Variants in NBEAL2 observed in about 807,000 individuals in gnomAD.
NBEAL2 encodes the protein neurobeachin like 2.
Under a neutral mutation model 299.8 loss-of-function variants are expected in NBEAL2, and 160 were observed. The ratio of observed to expected loss-of-function variants is 0.53; its 90% CI spans 0.47 to 0.61. The LOEUF (loss-of-function observed/expected upper bound fraction) is 0.61, where lower values mean the gene tolerates loss of function less well. Among genes scored for constraint, NBEAL2 ranks in the 20% least tolerant of loss-of-function variants. The probability of loss-of-function intolerance (pLI) is 0.00; values close to 1 mark genes in which losing one functional copy is unlikely to be tolerated. For synonymous variants in NBEAL2, 1,493 were observed against 1,542.3 expected, an observed-to-expected ratio of 0.97 and a Z score of 0.75; for missense variants, 3,112 against 3,649.0, an observed-to-expected ratio of 0.85 and a Z score of 3.79.
At chr3:46,987,103 C>T (rs1295567565) in intron 1 of NBEAL2, among the ~76,000 whole-genome samples, 1 of 152,260 alleles carries the variant, frequency 6.6e-6, no homozygotes, top group African/African-American at 2.4e-5. Flanking sequence ...TCCCCAATCA[C>T]AGGGTGGACG....
chr3:47,008,252 C>A, intron 50 of NBEAL2, 31 bp from the exon 51 acceptor site: 1 of 1,613,060 alleles, frequency 6.2e-7, no homozygotes, highest in South Asian at 1.1e-5. Flanking sequence ...GCCCAGACTC[C>A]TGCCCAGGAC....
At chr3:46,997,168 G>C in intron 18 of NBEAL2, 91 bp from the exon 19 acceptor site, 1 of 1,573,802 alleles carries the variant, frequency 6.4e-7, no homozygotes, top group South Asian at 1.1e-5. Context: ...GCTCAAGAGA[G>C]CAAAACTTCC....
rs1235569949 is a variant in NBEAL2, at chr3:47,000,979, C to T, written c.4306-22C>T. On this transcript the variant is annotated intron_variant, in intron 27 of 53. Transcript: ENST00000450053. The surrounding 1 kb of genome is among the most constrained non-coding windows in gnomAD (Gnocchi z 4.5). ...CTTAGCCGCCCACAACCCACGCCCA[C>T]ACCACCCACCTGTGCCCACAGCAAA... The T allele has an allele frequency of 6.3e-7, 1 of 1,578,952 alleles. No individual in the cohort carries two copies. The highest frequency in any genetic ancestry group is 2.3e-5 in the East Asian group (1 of 42,784).
Position 47,005,278 on chromosome 3 carries a change from G to C in NBEAL2, c.6517G>C (p.Val2173Leu), listed in dbSNP as rs768276685. 7.4e-6 allele frequency: 12 copies of C among 1,613,234 alleles called. No individual in the cohort carries two copies. The highest frequency in any genetic ancestry group is 1.0e-5 in the Non-Finnish European group (12 of 1,179,824). Residue 2173 changes from valine (V) to leucine (L), a missense_variant, in exon 40 of 54, where the codon GTG (valine) becomes CTG (leucine). This residue lies in a region of NBEAL2 where 521 missense variants were observed against 729.6 expected (regional missense o/e 0.71). Coordinates refer to ENST00000450053, the MANE Select transcript of NBEAL2 (RefSeq NM_015175.3). ...AGGCGTGATGCACTACCTCATCCGC[G>C]TGGAGCCCTTCACCTCCCTGCACGT... Reference protein sequence around the residue: ...AAGVMHYLIRVEPFTSLHVQL... With the variant: ...AAGVMHYLIRLEPFTSLHVQL...
At position 46,997,677 on chromosome 3, in the gene NBEAL2, G is replaced by A. The variant is rs756428891; in HGVS notation, c.2941G>A (p.Gly981Arg). The A allele has an allele frequency of 2.6e-6, 4 of 1,546,216 alleles. No homozygotes were observed. Among genetic ancestry groups the A allele is most frequent in the Admixed American group, 2.0e-5 (1 of 50,772 alleles). The change falls in exon 20 of 54, where the codon GGG (glycine) becomes AGG (arginine). Residue 981 changes from glycine (G) to arginine (R), a missense_variant. Transcript: ENST00000450053. ...LVQCQGPAII[G>R]ALLRKVPSWA... ...GCAGTGCCAGGGGCCTGCCATCATC[G>A]GGGCCCTCCTGCGAAAGGTGGGGCC...
Position 47,003,321 on chromosome 3 carries a change from C to G in NBEAL2, c.5720+12C>G. The G allele has an allele frequency of 6.2e-7, 1 of 1,609,812 alleles. No individual in the cohort carries two copies. The highest frequency in any genetic ancestry group is 8.5e-7 in the Non-Finnish European group (1 of 1,178,492). The stretch of plus-strand genomic sequence containing the variant: ...GAGCTGGAGACCCCGTGAGTGGGGC[C>G]CTGGAGAGATTGGACTGGTGTGGTG... On this transcript the variant is annotated intron_variant, in intron 35 of 53. Transcript: ENST00000450053. This position sits in a 1 kb window ranked among gnomAD's most constrained non-coding sequence, Gnocchi z 7.0.
chr3:46,996,360 G>A lies in NBEAL2; in HGVS notation c.2241G>A (p.Leu747=), dbSNP rs1425427241. Residue 747 remains leucine (L), a synonymous_variant, in exon 16 of 54, where the codon CTG becomes CTA. Transcript: ENST00000450053. The part of the protein sequence containing the change: ...GLPTPPVPAT[L]AYTHPALTRS... ...CCACACCACCAGTCCCCGCCACCCT[G>A]GCCTACACTCACCCCGCCCTCACCC... 1.9e-6 allele frequency: 3 copies of A among 1,612,352 alleles called. No homozygotes were observed. In the African/African-American group the frequency reaches 4.0e-5, roughly 22 times the overall value.
chr3:46,997,749 C>T (rs966933592), intron 20 of NBEAL2, 55 bp downstream of exon 20: 10 of 1,433,338 alleles, frequency 7.0e-6, no homozygotes, highest in African/African-American at 4.3e-5. Flanking sequence ...CCTGTCTGAC[C>T]GAGGGGACTG....
rs777919277 is a variant in NBEAL2, at chr3:46,989,126, T to C, written c.311T>C (p.Val104Ala). Residue 104 changes from valine to alanine, a missense_variant, in exon 4 of 54, where the codon GTG becomes GCG. By Grantham distance (64) the Val-to-Ala change is moderately conservative. This residue lies in a region of NBEAL2 where 2,243 missense variants were observed against 2,538.1 expected (regional missense o/e 0.88). Transcript: ENST00000450053. This position sits in a 1 kb window ranked among gnomAD's most constrained non-coding sequence, Gnocchi z 5.5. ...GAGGCAGGCCGGGGCCAAGTGCTAGTGCCCCGAGTGCTGGCACTGTTGACC... is the reference window on the plus strand; with the variant it reads ...GAGGCAGGCCGGGGCCAAGTGCTAGCGCCCCGAGTGCTGGCACTGTTGACC... ...NIEAGRGQVL[V>A]PRVLALLTKL... The C allele has an allele frequency of 4.1e-5, 66 of 1,613,686 alleles. No individual in the cohort carries two copies. The highest frequency in any genetic ancestry group is 5.2e-5 in the Non-Finnish European group (61 of 1,179,842).
rs1376535428 is a variant in NBEAL2 at position 47,003,782 on chromosome 3, A to G, written c.5721-34A>G. ...GGGCTTGTGAAGAAGGGGGTCCCAG[A>G]GCCTACAGCGTGAGGTGGGTTGCTG... is the stretch of plus-strand genomic sequence containing the variant. On this transcript the variant is annotated intron_variant, in intron 35 of 53. Transcript: ENST00000450053. The surrounding 1 kb of genome is among the most constrained non-coding windows in gnomAD (Gnocchi z 7.0). The G allele has an allele frequency of 6.5e-7, 1 of 1,549,098 alleles. No individual in the cohort carries two copies. Among genetic ancestry groups the G allele is most frequent in the Non-Finnish European group, 8.7e-7 (1 of 1,145,092 alleles).
rs1003233359 is a variant in NBEAL2, at chr3:47,005,956, A to G, written c.6812A>G (p.Tyr2271Cys). The change falls in exon 43 of 54, where the codon TAT (tyrosine) becomes TGT (cysteine). Residue 2271 changes from tyrosine (Y) to cysteine (C), a missense_variant. Tyr to Cys is a radical substitution (Grantham distance 194, BLOSUM62 -2). Coordinates refer to ENST00000450053, the MANE Select transcript of NBEAL2 (RefSeq NM_015175.3). ...CCTCCCTACTCTCAGGAGTCGGAGT[A>G]TGTGTCTGCACACCTACACGAGTGG... is the stretch of plus-strand genomic sequence containing the variant. ...QQHRQALESE[Y>C]VSAHLHEWID... is the part of the protein sequence containing the mutation. 3.1e-6 allele frequency: 5 copies of G among 1,613,672 alleles called. No individual in the cohort carries two copies. The highest frequency in any genetic ancestry group is 2.2e-5 in the South Asian group (2 of 91,086).
At chr3:46,997,763 G>A in intron 20 of NBEAL2, 69 bp downstream of exon 20, 1 of 1,428,688 alleles carries the variant, frequency 7.0e-7, no homozygotes, top group Non-Finnish European at 9.2e-7. Flanking sequence ...GGGACTGAGT[G>A]GGGAACCCTG....
intron 42 of NBEAL2, 27 bp downstream of exon 42, chr3:47,005,874 C>G (rs2037397936): frequency 6.2e-7 from 1 of 1,612,684 alleles, no homozygotes; most frequent in Non-Finnish European, 8.5e-7. Flanking sequence ...AGGCAAACGG[C>G]AGGCAGCCGG....
intron 40 of NBEAL2, 34 bp downstream of exon 40, chr3:47,005,355 G>A (rs2037348783): frequency 1.9e-6 from 3 of 1,595,664 alleles, no homozygotes; most frequent in Middle Eastern, 1.7e-4. Context: ...AGACTAGGGG[G>A]CAGATAAGGG....
chr3:47,000,037 C>G lies in NBEAL2; in HGVS notation c.3938C>G (p.Pro1313Arg), dbSNP rs752514114. Residue 1313 changes from proline (P) to arginine (R), a missense_variant, in exon 27 of 54, where the codon CCC (proline) becomes CGC (arginine). By Grantham distance (103) the Pro-to-Arg change is moderately radical (BLOSUM62 -2). Transcript: ENST00000450053. The surrounding 1 kb of genome is among the most constrained non-coding windows in gnomAD (Gnocchi z 4.5). ...PPSSPESPTS[P>R]KPAPPKPPTE... is the part of the protein sequence containing the mutation. ...TCTTCCCCAGAGTCACCTACCTCCC[C>G]CAAGCCAGCCCCACCCAAGCCACCC... The G allele has an allele frequency of 1.6e-4, 252 of 1,613,172 alleles. 1 individual carries two copies. Among genetic ancestry groups the G allele is most frequent in the Non-Finnish European group, 1.9e-4 (229 of 1,179,850 alleles).
At chr3:46,983,185 G>C (rs1345589000) in intron 1 of NBEAL2, among the ~76,000 whole-genome samples, 1 of 152,126 alleles carries the variant, frequency 6.6e-6, no homozygotes, top group African/African-American at 2.4e-5. Context: ...GTTAGGTCAG[G>C]CTGGAGGCAA....
At chr3:46,985,362 G>T (rs565329675) in intron 1 of NBEAL2, among the ~76,000 whole-genome samples, 2 of 152,194 alleles carry the variant, frequency 1.3e-5, no homozygotes, top group Non-Finnish European at 2.9e-5. Context: ...TCTGGGAGCA[G>T]CATGGTGTCA....
rs372112042 is a variant in NBEAL2 at position 46,991,488 on chromosome 3, C to T, written c.725C>T (p.Pro242Leu). 3.7e-5 allele frequency: 60 copies of T among 1,612,238 alleles called. No individual in the cohort carries two copies. The highest frequency in any genetic ancestry group is 8.3e-5 in the Admixed American group (5 of 59,984). The change falls in exon 8 of 54, where the codon CCG (proline) becomes CTG (leucine). Residue 242 changes from proline (P) to leucine (L), a missense_variant. Pro to Leu is a moderately conservative substitution (Grantham distance 98). Transcript: ENST00000450053. The surrounding 1 kb of genome is among the most constrained non-coding windows in gnomAD (Gnocchi z 6.2). ...VVRGWSRGPA[P>L]DPCLVPLALE... ...CGGGGCTGGAGCCGTGGGCCAGCCC[C>T]GGACCCGTGCCTAGTGCCACTGGCT...
At position 46,994,602 on chromosome 3, in the gene NBEAL2, G is replaced by A. The variant is rs372960894; in HGVS notation, c.1296+49G>A. 5 of 1,482,806 alleles carry A rather than the reference G, an allele frequency of 3.4e-6. No homozygotes were observed. The African/African-American group carries it at 7.0e-5, about 21-fold the overall frequency. 91.9% of individuals were successfully genotyped at this position (1,482,806 alleles called of 1,614,324 possible). A position where few individuals can be genotyped will look rare whatever the true frequency, so the allele number is the denominator to read the frequency against. On this transcript the variant is annotated intron_variant, in intron 12 of 53. Transcript: ENST00000450053. ...GGGTCCCAAAGGCAACCAGAACTGAGTCAGGGTTACCACAGATGGTGAGCT... is the reference window on the plus strand; with the variant it reads ...GGGTCCCAAAGGCAACCAGAACTGAATCAGGGTTACCACAGATGGTGAGCT...
Sources: gnomAD v4.1 joint callset for allele counts (sites outside exome capture counted in the v4.1 genomes callset) on GRCh38, gnomAD v4.1.1 for gene constraint, gnomAD v4.1.1 regional missense constraint, Gnocchi (gnomAD v3.1) non-coding constraint, MANE v1.5 for transcripts, NCBI Gene and HGNC (gene_info 2026-07-23, HGNC 2026-07-21) for gene names.